Variants in ANKRD30A observed in about 807,000 individuals in gnomAD.
The protein encoded by ANKRD30A is ankyrin repeat domain 30A.
In ANKRD30A, 170 loss-of-function variants were observed where a neutral mutation model predicts 166.3. That is an observed-to-expected ratio of 1.02 (90% CI 0.90 to 1.16). The LOEUF is 1.16. ANKRD30A is among the 50% of genes most tolerant of loss of function. The pLI, the probability that ANKRD30A is intolerant of heterozygous loss-of-function variation, is 0.00. For missense variants in ANKRD30A, 1,630 were observed against 1,518.0 expected, an observed-to-expected ratio of 1.07 and a Z score of -1.23; for synonymous variants, 564 against 508.9, an observed-to-expected ratio of 1.11 and a Z score of -1.46.
downstream of ANKRD30A, among the ~76,000 whole-genome samples, chr10:37,233,951 A>G (rs1843557681): frequency 6.6e-6 from 1 of 152,210 alleles, no homozygotes; most frequent in Admixed American, 6.5e-5. Context: ...TAGCATTGAT[A>G]CTGAATTTAT....
In ANKRD30A at chr10:37,142,107, G is replaced by A; in HGVS notation, c.1210G>A (p.Glu404Lys). Residue 404 changes from glutamate to lysine, a missense_variant, in exon 7 of 36, where the codon GAG becomes AAG. Glu to Lys is a moderately conservative substitution (Grantham distance 56). Around this residue, in one of 4 missense-constraint regions of ANKRD30A, gnomAD observed 904 missense variants for 818.5 expected, o/e 1.10. Coordinates refer to ENST00000361713, the MANE Select transcript of ANKRD30A (RefSeq NM_052997.3). ...EIMSPAKETS[E>K]KFTWAAKGRP... ...TATGAGTCCCGCAAAAGAAACATCT[G>A]AGAAATTTACGTGGGCAGCAAAAGG... The A allele has an allele frequency of 6.2e-7, 1 of 1,613,000 alleles. No homozygotes were observed. Among genetic ancestry groups the A allele is most frequent in the Non-Finnish European group, 8.5e-7 (1 of 1,179,712 alleles).
chr10:37,231,641 A>C lies in ANKRD30A; in HGVS notation c.*172A>C. ...AATTCATGATTTCTTCCTGAAGCCT[A>C]CAGACATAAAATAACAGTGTGAAGA... is the stretch of plus-strand genomic sequence containing the variant. On this transcript the variant is annotated 3_prime_UTR_variant, in exon 35 of 36. Coordinates refer to ENST00000361713, the MANE Select transcript of ANKRD30A (RefSeq NM_052997.3). 2.4e-6 allele frequency: 1 copy of C among 419,434 alleles called. No homozygotes were observed. Among genetic ancestry groups the C allele is most frequent in the South Asian group, 8.5e-5 (1 of 11,772 alleles). The allele number at this position is 419,434 out of a possible 1,614,324, so 26.0% of individuals were successfully genotyped here. A position where few individuals can be genotyped will look rare whatever the true frequency, so the allele number is the denominator to read the frequency against.
At chr10:37,190,237 G>A (rs185668330) in intron 25 of ANKRD30A, among the ~76,000 whole-genome samples, 11 of 151,854 alleles carry the variant, frequency 7.2e-5, no homozygotes, top group Non-Finnish European at 1.6e-4. Flanking sequence ...AGATTCAGCC[G>A]ACTTGGGATT....
intron 3 of ANKRD30A, 114 bp from the exon 4 acceptor site, chr10:37,132,126 A>G (rs1836414415): frequency 1.5e-6 from 1 of 651,636 alleles, no homozygotes; most frequent in Non-Finnish European, 2.4e-6. Context: ...AGGGACTGCT[A>G]TTGATTTACT....
chr10:37,159,698 T>A (rs1380217143), intron 15 of ANKRD30A, among the ~76,000 whole-genome samples: 2 of 152,056 alleles, frequency 1.3e-5, no homozygotes, highest in Non-Finnish European at 2.9e-5. Flanking sequence ...TTTTCTTCAG[T>A]TTTTTTGTTT....
At chr10:37,205,477 A>T (rs190431294) in intron 31 of ANKRD30A, among the ~76,000 whole-genome samples, 1 of 152,194 alleles carries the variant, frequency 6.6e-6, no homozygotes, top group Non-Finnish European at 1.5e-5. Flanking sequence ...GAGGGATAGC[A>T]TTAAGAGAAA....
chr10:37,205,542 T>C (rs1203710042), intron 31 of ANKRD30A, among the ~76,000 whole-genome samples: 2 of 152,232 alleles, frequency 1.3e-5, no homozygotes, highest in Non-Finnish European at 2.9e-5. Flanking sequence ...GGCACATGTA[T>C]ACATATGTAA....
At chr10:37,190,664 G>A (rs1218865442) in intron 25 of ANKRD30A, among the ~76,000 whole-genome samples, 1 of 151,768 alleles carries the variant, frequency 6.6e-6, no homozygotes, top group Non-Finnish European at 1.5e-5. Flanking sequence ...GAAGGAAAAT[G>A]GAGTGAGCTC....
chr10:37,132,690 A>G (rs1000991520), intron 4 of ANKRD30A, among the ~76,000 whole-genome samples: 1 of 152,166 alleles, frequency 6.6e-6, no homozygotes. Flanking sequence ...TCTGTTTTTT[A>G]TACACTTTTT....
chr10:37,157,518 AC>A (rs1360379408), intron 13 of ANKRD30A, among the ~76,000 whole-genome samples: 1 of 152,122 alleles, frequency 6.6e-6, no homozygotes, highest in Non-Finnish European at 1.5e-5. Flanking sequence ...GGCATGTACC[AC>A]CATACCTGGC....
chr10:37,209,765 C>T (rs972072022), intron 31 of ANKRD30A, among the ~76,000 whole-genome samples: 1 of 152,054 alleles, frequency 6.6e-6, no homozygotes, highest in Non-Finnish European at 1.5e-5. Context: ...TTAACTATGA[C>T]TTAATCTTCT....
the ANKRD30A span, among the ~76,000 whole-genome samples, chr10:37,244,430 C>T: frequency 3.3e-5 from 5 of 152,184 alleles, no homozygotes; most frequent in Admixed American, 2.6e-4. Context: ...ATAACAAGAA[C>T]ATTTAAACTC....
the ANKRD30A span, among the ~76,000 whole-genome samples, chr10:37,246,176 C>A: frequency 1.3e-5 from 2 of 152,170 alleles, no homozygotes; most frequent in Non-Finnish European, 2.9e-5. Context: ...TAATAAAATT[C>A]TCTTCTAATA....
chr10:37,220,101 A>C (rs371088983), intron 34 of ANKRD30A, among the ~76,000 whole-genome samples: 1 of 147,792 alleles, frequency 6.8e-6, no homozygotes, highest in Non-Finnish European at 1.5e-5. Context: ...ATTTCCACCA[A>C]ATGAAAGTTA....
the ANKRD30A span, among the ~76,000 whole-genome samples, chr10:37,247,813 C>T: frequency 6.8e-6 from 1 of 146,732 alleles, no homozygotes. Flanking sequence ...ACCCGGGAGG[C>T]GGAGCTTGCA....
At chr10:37,132,377 C>G in intron 4 of ANKRD30A, 31 bp downstream of exon 4, 1 of 1,339,566 alleles carries the variant, frequency 7.5e-7, no homozygotes, top group Non-Finnish European at 1.0e-6. Context: ...TTAAAAAACA[C>G]TTGAGTAGTG....
At chr10:37,143,539 A>T (rs1321544907) in intron 7 of ANKRD30A, among the ~76,000 whole-genome samples, 1 of 152,168 alleles carries the variant, frequency 6.6e-6, no homozygotes, top group East Asian at 1.9e-4. Flanking sequence ...CTGTAATCCC[A>T]GCTACCTAGG....
intron 15 of ANKRD30A, among the ~76,000 whole-genome samples, chr10:37,160,368 G>A (rs1838756447): frequency 3.3e-5 from 5 of 152,146 alleles, no homozygotes; most frequent in Admixed American, 3.3e-4. Context: ...GACATGTCAT[G>A]AGTCTGAAAA....
the ANKRD30A span, among the ~76,000 whole-genome samples, chr10:37,265,328 CA>C: frequency 6.6e-6 from 1 of 152,144 alleles, no homozygotes; most frequent in African/African-American, 2.4e-5. Flanking sequence ...GGAAGCTGTG[CA>C]AGCTCAGGTC....
Sources: allele counts gnomAD v4.1 joint callset (sites outside exome capture counted in the v4.1 genomes callset), GRCh38; gene constraint gnomAD v4.1.1; regional missense constraint gnomAD v4.1.1; transcripts MANE v1.5; gene names NCBI Gene and HGNC (gene_info 2026-07-23, HGNC 2026-07-21).